The following SLC35H1 variants were observed in gnomAD, a reference collection of about 807,000 sequenced individuals.
The protein encoded by SLC35H1 is solute carrier family 35 member H1.
At chr20:46,358,577 GA>G in the SLC35H1 span, 5 of 1,611,438 alleles carry the variant, frequency 3.1e-6, no homozygotes, top group Admixed American at 8.4e-5. Context: ...CAATGTGCAG[GA>G]AGAGCCGGTG....
the SLC35H1 span, among the ~76,000 whole-genome samples, chr20:46,361,586 A>G: frequency 6.6e-6 from 1 of 152,202 alleles, no homozygotes; most frequent in Non-Finnish European, 1.5e-5. Flanking sequence ...TTGGGGACAG[A>G]TAATTCTTTG....
chr20:46,361,167 C>T, the SLC35H1 span, among the ~76,000 whole-genome samples: 14 of 152,262 alleles, frequency 9.2e-5, no homozygotes, highest in African/African-American at 2.9e-4. Flanking sequence ...GAAACTGACT[C>T]GTGTTTTCCA....
the SLC35H1 span, chr20:46,352,620 C>A: frequency 6.6e-6 from 1 of 151,308 alleles, no homozygotes; most frequent in Admixed American, 6.9e-5. Flanking sequence ...AGCGGGATGA[C>A]GATGGGATCC....
the SLC35H1 span, chr20:46,349,563 C>A: frequency 6.6e-6 from 1 of 152,426 alleles, no homozygotes; most frequent in African/African-American, 2.4e-5. Context: ...TAATCTGTTA[C>A]TAATAATGAC....
the SLC35H1 span, among the ~76,000 whole-genome samples, chr20:46,361,604 A>G: frequency 6.6e-6 from 1 of 152,198 alleles, no homozygotes; most frequent in Non-Finnish European, 1.5e-5. Context: ...TTGTGAGAAG[A>G]CCCATCCTCT....
the SLC35H1 span, chr20:46,350,263 C>G: frequency 8.6e-7 from 1 of 1,156,478 alleles, no homozygotes; most frequent in East Asian, 2.4e-5. Context: ...GAGTCCCTGG[C>G]TTGGCCCCAC....
chr20:46,350,742 G>A, the SLC35H1 span: 1 of 1,612,830 alleles, frequency 6.2e-7, no homozygotes, highest in African/African-American at 1.3e-5. Context: ...AGAGGCTTCT[G>A]GAAGGGACTC....
At chr20:46,357,602 T>C in the SLC35H1 span, 1 of 1,609,278 alleles carries the variant, frequency 6.2e-7, no homozygotes, top group Admixed American at 1.7e-5. Context: ...TGCTCTGCCC[T>C]CACTGAGGTC....
At chr20:46,355,959 G>C in the SLC35H1 span, 2 of 1,583,828 alleles carry the variant, frequency 1.3e-6, no homozygotes, top group Non-Finnish European at 1.7e-6. This position sits in a 1 kb window ranked among gnomAD's most constrained non-coding sequence, Gnocchi z 4.8. Context: ...ACAAATCACT[G>C]AGCGAAATGA....
the SLC35H1 span, chr20:46,349,310 T>G: frequency 6.6e-6 from 1 of 152,222 alleles, no homozygotes; most frequent in East Asian, 1.9e-4. Flanking sequence ...CCTTCCTCAT[T>G]TGAGAGAGGC....
the SLC35H1 span, chr20:46,364,400 T>TC: frequency 1.3e-5 from 2 of 152,014 alleles, no homozygotes; most frequent in East Asian, 3.9e-4. Flanking sequence ...GGCCGGAATC[T>TC]CCCCACCGGA....
the SLC35H1 span, chr20:46,354,811 G>A: frequency 7.5e-7 from 1 of 1,334,624 alleles, no homozygotes; most frequent in Non-Finnish European, 1.1e-6. Flanking sequence ...AGCTACCACT[G>A]TGTTGGGCTC....
chr20:46,355,981 T>C, the SLC35H1 span: 1 of 1,524,062 alleles, frequency 6.6e-7, no homozygotes, highest in Non-Finnish European at 8.8e-7. This position sits in a 1 kb window ranked among gnomAD's most constrained non-coding sequence, Gnocchi z 4.8. Flanking sequence ...CAAACAGAGC[T>C]GGGCTGTCAT....
the SLC35H1 span, chr20:46,357,482 C>G: frequency 2.9e-6 from 3 of 1,029,164 alleles, no homozygotes; most frequent in Non-Finnish European, 4.2e-6. Context: ...GGTGGGAGGC[C>G]AGGTCAAGAG....
chr20:46,358,744 C>A, the SLC35H1 span: 1 of 1,543,380 alleles, frequency 6.5e-7, no homozygotes, highest in Non-Finnish European at 8.8e-7. Context: ...GGATGCAGCG[C>A]TCACAGGTCC....
At chr20:46,352,821 T>C in the SLC35H1 span, 995 of 154,432 alleles carry the variant, frequency 6.4e-3, 1 homozygote, top group Non-Finnish European at 9.7e-3. Context: ...GGAGGGCTCG[T>C]CTGAGCCTCT....
the SLC35H1 span, chr20:46,348,857 C>G: frequency 6.6e-6 from 1 of 152,236 alleles, no homozygotes; most frequent in East Asian, 1.9e-4. Context: ...TCTATGGCTG[C>G]TTTTGTGCTA....
the SLC35H1 span, chr20:46,358,799 C>A: frequency 1.6e-4 from 205 of 1,303,450 alleles, no homozygotes; most frequent in East Asian, 3.3e-3. Flanking sequence ...GAGCCTCAGG[C>A]AGAGACTGTG....
the SLC35H1 span, chr20:46,355,087 T>C: frequency 6.2e-7 from 1 of 1,614,118 alleles, no homozygotes; most frequent in Non-Finnish European, 8.5e-7. This position sits in a 1 kb window ranked among gnomAD's most constrained non-coding sequence, Gnocchi z 4.8. Context: ...TTCAGCCTTC[T>C]GCAGGAGCAT....
Sources: gnomAD v4.1 joint callset for allele counts (sites outside exome capture counted in the v4.1 genomes callset) on GRCh38, gnomAD v4.1.1 for gene constraint, Gnocchi (gnomAD v3.1) non-coding constraint, MANE v1.5 for transcripts, NCBI Gene and HGNC (gene_info 2026-07-23, HGNC 2026-07-21) for gene names.